The following GPS1 variants were observed in gnomAD, a reference collection of about 807,000 sequenced individuals.
GPS1 encodes G protein pathway suppressor 1, also known as COP9 signalosome complex subunit 1.
In GPS1, 11 loss-of-function variants were observed where a neutral mutation model predicts 60.0. The ratio of observed to expected loss-of-function variants is 0.18; its 90% CI spans 0.12 to 0.30. The LOEUF (loss-of-function observed/expected upper bound fraction) is 0.30. GPS1 is among the 10% of genes least tolerant of loss of function. The probability of loss-of-function intolerance (pLI) is 1.00; values close to 1 mark genes in which losing one functional copy is unlikely to be tolerated. For synonymous variants in GPS1, 343 were observed against 269.8 expected (o/e 1.27, Z -2.66); for missense variants, 543 against 669.2 (o/e 0.81, Z 2.08).
Position 82,054,909 on chromosome 17 carries a change from C to CTTGCAG in GPS1, c.622_627dup (p.Leu208_Gln209dup). On this transcript the variant is annotated inframe_insertion, in exon 5 of 13. Coordinates refer to ENST00000578552, the MANE Select transcript of GPS1 (RefSeq NM_001321092.3). ...CGCCCCCCCGCCAGGTCAGCGTCTACTTGCAGAATTGGTCTCATGTGCTCA... is the reference window on the plus strand; with the variant it reads ...CGCCCCCCCGCCAGGTCAGCGTCTACTTGCAGTTGCAGAATTGGTCTCATGTGCTCA... 6.3e-7 allele frequency: 1 copy of CTTGCAG among 1,593,276 alleles called. No homozygotes were observed. The highest frequency in any genetic ancestry group is 8.6e-7 in the Non-Finnish European group (1 of 1,166,644).
Position 82,056,698 on chromosome 17 carries a change from C to A in GPS1, c.1186C>A (p.Leu396Met). 6.3e-7 allele frequency: 1 copy of A among 1,594,742 alleles called. No individual in the cohort carries two copies. Among genetic ancestry groups the A allele is most frequent in the South Asian group, 1.1e-5 (1 of 88,364 alleles). ...AGCCTTCAATACCACGGTGGCCGCCCTGGAGGACGAGCTGACGCAGCTAAT... is the reference window on the plus strand; with the variant it reads ...AGCCTTCAATACCACGGTGGCCGCCATGGAGGACGAGCTGACGCAGCTAAT... ...AAAFNTTVAALEDELTQLILE... is the reference protein window; with the variant it reads ...AAAFNTTVAAMEDELTQLILE... The change falls in exon 11 of 13, where the codon CTG becomes ATG. Residue 396 changes from leucine (L) to methionine (M), a missense_variant. Around this residue, in one of 3 missense-constraint regions of GPS1, gnomAD observed 291 missense variants for 353.7 expected, o/e 0.82. Transcript: ENST00000578552.
intron 1 of GPS1, 147 bp downstream of exon 1, chr17:82,052,111 G>T: frequency 2.4e-6 from 2 of 825,418 alleles, no homozygotes; most frequent in Non-Finnish European, 3.0e-6. Context: ...CGCGCGTCGG[G>T]GGCTGCAGGG....
At chr17:82,053,237 C>A in intron 1 of GPS1, 37 bp from the exon 2 acceptor site, 1 of 1,502,208 alleles carries the variant, frequency 6.7e-7, no homozygotes. Context: ...GGGGCAGTCC[C>A]CAGGACGAGG....
At position 82,054,062 on chromosome 17, in the gene GPS1, G is replaced by A. The variant is rs757192672; in HGVS notation, c.308+13G>A. On this transcript the variant is annotated intron_variant, in intron 3 of 12. Coordinates refer to ENST00000578552, the MANE Select transcript of GPS1 (RefSeq NM_001321092.3). ...CAGAGGCCACCAGGTGAGGCCAGGG[G>A]CTTGGCGAGAGGAAGCAGAGGCCAC... 1.9e-6 allele frequency: 3 copies of A among 1,599,582 alleles called. No individual in the cohort carries two copies. Among genetic ancestry groups the A allele is most frequent in the South Asian group, 2.2e-5 (2 of 89,766 alleles).
intron 1 of GPS1, 79 bp from the exon 2 acceptor site, chr17:82,053,195 C>A: frequency 8.6e-7 from 1 of 1,163,616 alleles, no homozygotes; most frequent in Non-Finnish European, 1.1e-6. Context: ...CAGAGCTGAC[C>A]TCAGAGAACA....
chr17:82,051,153 C>T (rs1956504848), upstream of GPS1: 3 of 1,312,856 alleles, frequency 2.3e-6, no homozygotes, highest in Admixed American at 3.9e-5. The surrounding 1 kb of genome is among the most constrained non-coding windows in gnomAD (Gnocchi z 4.1). Context: ...GGCCGCGTGA[C>T]CTGGGCAGCG....
At chr17:82,051,883 C>T, upstream of GPS1, 1 of 1,156,222 alleles carries the variant, frequency 8.6e-7, no homozygotes, top group Non-Finnish European at 1.1e-6. This position sits in a 1 kb window ranked among gnomAD's most constrained non-coding sequence, Gnocchi z 4.1. Context: ...GAAGCGACGG[C>T]TTCGCTGCCC....
At chr17:82,051,638 C>T (rs2030628633), upstream of GPS1, 7 of 815,560 alleles carry the variant, frequency 8.6e-6, no homozygotes, top group Non-Finnish European at 1.1e-5. The surrounding 1 kb of genome is among the most constrained non-coding windows in gnomAD (Gnocchi z 4.1). Context: ...GGGGCGCGCG[C>T]GGGGCCGGGG....
upstream of GPS1, chr17:82,051,552 C>A (rs757117555): frequency 7.2e-7 from 1 of 1,397,734 alleles, no homozygotes; most frequent in Non-Finnish European, 9.3e-7. This position sits in a 1 kb window ranked among gnomAD's most constrained non-coding sequence, Gnocchi z 4.1. Flanking sequence ...CAGGCGCGGC[C>A]CGTGGTTCTT....
Position 82,055,754 on chromosome 17 carries a change from G to A in GPS1, c.763G>A (p.Ala255Thr). Residue 255 changes from alanine (A) to threonine (T), a missense_variant, in exon 7 of 13, where the codon GCC (alanine) becomes ACC (threonine). This residue lies in a region of GPS1 where 291 missense variants were observed against 353.7 expected (regional missense o/e 0.82). Coordinates refer to ENST00000578552, the MANE Select transcript of GPS1 (RefSeq NM_001321092.3). ...LKCAAGLAEL[A>T]ARKYKQAAKC... The stretch of plus-strand genomic sequence containing the variant: ...CCTTCCACTAGGCTTGGCAGAGCTG[G>A]CCGCCAGGAAGTACAAGCAGGCTGC... 6.4e-7 allele frequency: 1 copy of A among 1,555,154 alleles called. No individual in the cohort carries two copies. Among genetic ancestry groups the A allele is most frequent in the Non-Finnish European group, 8.7e-7 (1 of 1,149,594 alleles).
intron 6 of GPS1, 110 bp from the exon 7 acceptor site, chr17:82,055,630 C>G (rs566462906): frequency 2.8e-6 from 2 of 723,544 alleles, no homozygotes; most frequent in South Asian, 1.7e-5. Context: ...GAGAGGCCAG[C>G]GAGCCGGCTG....
At chr17:82,051,511 C>A (rs758121697), upstream of GPS1, 29 of 1,389,902 alleles carry the variant, frequency 2.1e-5, no homozygotes, top group South Asian at 4.6e-4. The surrounding 1 kb of genome is among the most constrained non-coding windows in gnomAD (Gnocchi z 4.1). Context: ...TGCTGGCGGG[C>A]CCGGGAGATC....
chr17:82,051,619 G>A (rs1217495836), upstream of GPS1: 4 of 1,211,208 alleles, frequency 3.3e-6, no homozygotes, highest in Middle Eastern at 6.6e-4. This position sits in a 1 kb window ranked among gnomAD's most constrained non-coding sequence, Gnocchi z 4.1. Context: ...GGGGCAGCGG[G>A]CCGGGACGGG....
rs1321963755 is a variant in GPS1, at chr17:82,056,555, G to A, written c.1116+5G>A. 1.2e-6 allele frequency: 2 copies of A among 1,612,750 alleles called. No homozygotes were observed. Among genetic ancestry groups the A allele is most frequent in the Non-Finnish European group, 8.5e-7 (1 of 1,180,014 alleles). ...CGCAACCGTGCCCTCATCCAGGTAA[G>A]CGTGGGGGTCAGGCTGGCACACGGC... On this transcript the variant is annotated splice_donor_5th_base_variant and intron_variant, in intron 10 of 12. Transcript: ENST00000578552.
At chr17:82,051,467 G>A (rs1258533882), upstream of GPS1, 1 of 1,347,292 alleles carries the variant, frequency 7.4e-7, no homozygotes, top group Admixed American at 3.9e-5. This position sits in a 1 kb window ranked among gnomAD's most constrained non-coding sequence, Gnocchi z 4.1. Context: ...GGGTGGGCGT[G>A]GGGCTCGCCG....
chr17:82,054,648 G>T lies in GPS1; in HGVS notation c.447G>T (p.Lys149Asn). Reference protein sequence around the residue: ...EKLDTDLKNYKGNSIKESIRR... With the variant: ...EKLDTDLKNYNGNSIKESIRR... Reference sequence around the variant, plus strand: ...TGGACACAGACCTGAAGAACTACAAGGGCAACTCCATCAAAGAGAGCATCC... The same window carrying T: ...TGGACACAGACCTGAAGAACTACAATGGCAACTCCATCAAAGAGAGCATCC... The change falls in exon 4 of 13, where the codon AAG becomes AAT. Residue 149 changes from lysine to asparagine, a missense_variant. By Grantham distance (94) the Lys-to-Asn change is moderately conservative. Coordinates refer to ENST00000578552, the MANE Select transcript of GPS1 (RefSeq NM_001321092.3). 6.2e-7 allele frequency: 1 copy of T among 1,610,696 alleles called. No homozygotes were observed.
At chr17:82,056,208 CTG>C in intron 8 of GPS1, 76 bp from the exon 9 acceptor site, 1 of 1,362,912 alleles carries the variant, frequency 7.3e-7, no homozygotes, top group Non-Finnish European at 1.0e-6. Context: ...AGGTGTTTGT[CTG>C]GGGACTGGTG....
Position 82,056,736 on chromosome 17 carries a change from G to A in GPS1, c.1224G>A (p.Leu408=), listed in dbSNP as rs768654098. 2 of 1,587,168 alleles carry A rather than the reference G, an allele frequency of 1.3e-6. No individual in the cohort carries two copies. Among genetic ancestry groups the A allele is most frequent in the African/African-American group, 1.3e-5 (1 of 74,792 alleles). The change falls in exon 11 of 13, where the codon CTG becomes CTA. Residue 408 remains leucine (L), a synonymous_variant. Coordinates refer to ENST00000578552, the MANE Select transcript of GPS1 (RefSeq NM_001321092.3). ...TGACGCAGCTAATCCTGGAGGGGCT[G>A]ATCAGTGCCCGTGTGGACTCACACA... ...DELTQLILEG[L]ISARVDSHSK...
At chr17:82,052,969 T>G (rs114363297) in intron 1 of GPS1, 6 of 265,682 alleles carry the variant, frequency 2.3e-5, no homozygotes, top group East Asian at 1.5e-4. Flanking sequence ...GAGGCCCCTG[T>G]GTAGTTGGTT....
Sources: allele counts gnomAD v4.1 joint callset, GRCh38; gene constraint gnomAD v4.1.1; regional missense constraint gnomAD v4.1.1; non-coding constraint Gnocchi (gnomAD v3.1); transcripts MANE v1.5; gene names NCBI Gene and HGNC (gene_info 2026-07-23, HGNC 2026-07-21).